NAPB: variants seen among roughly 807,000 people sequenced by gnomAD.
NAPB encodes the protein NSF attachment protein beta.
A neutral mutation model predicts 44.7 loss-of-function variants in NAPB; 26 were observed. That is an observed-to-expected ratio of 0.58 (90% CI 0.43 to 0.81). The LOEUF is 0.81. Among genes scored for constraint, NAPB ranks in the 30% least tolerant of loss-of-function variants. The pLI is 0.00. For synonymous variants in NAPB, 120 were observed against 116.8 expected (o/e 1.03, Z -0.18); for missense variants, 315 against 356.4 (o/e 0.88, Z 0.94).
rs760609836 is a variant in NAPB, at chr20:23,379,900, T to C, written c.702A>G (p.Ala234=). 6.2e-7 allele frequency: 1 copy of C among 1,613,318 alleles called. No individual in the cohort carries two copies. Among genetic ancestry groups the C allele is most frequent in the African/African-American group, 1.3e-5 (1 of 75,046 alleles). The stretch of plus-strand genomic sequence containing the variant: ...ATTTACATTCTCTTGAATCAGTAAA[T>C]GCTGGAAACATTTCCTCATATTTCT... ...ALEKYEEMFP[A]FTDSRECKLL... Residue 234 remains alanine, a synonymous_variant, in exon 9 of 11, where the codon GCA becomes GCG. Transcript: ENST00000377026.
chr20:23,399,333 C>T (rs542665303), intron 2 of NAPB, among the ~76,000 whole-genome samples: 1 of 151,988 alleles, frequency 6.6e-6, no homozygotes, highest in Non-Finnish European at 1.5e-5. Flanking sequence ...CATGAGAGCA[C>T]CACCCTCATA....
intron 1 of NAPB, among the ~76,000 whole-genome samples, chr20:23,417,125 C>G (rs1170831686): frequency 2.0e-5 from 3 of 150,706 alleles, no homozygotes; most frequent in Non-Finnish European, 4.4e-5. Flanking sequence ...GCTCGGGGGC[C>G]CAGGCTGGAG....
chr20:23,401,100 A>G (rs1307497241), intron 2 of NAPB, among the ~76,000 whole-genome samples: 4 of 152,144 alleles, frequency 2.6e-5, no homozygotes, highest in African/African-American at 9.7e-5. Flanking sequence ...GCAGGGACCC[A>G]GCAACATTCT....
intron 7 of NAPB, among the ~76,000 whole-genome samples, chr20:23,387,171 C>T (rs998041450): frequency 1.3e-5 from 2 of 152,038 alleles, no homozygotes; most frequent in African/African-American, 4.8e-5. Flanking sequence ...AAATGCCTGA[C>T]AAAATCCAAT....
chr20:23,387,904 G>C (rs1568606776), intron 7 of NAPB, among the ~76,000 whole-genome samples: 1 of 152,162 alleles, frequency 6.6e-6, no homozygotes, highest in Non-Finnish European at 1.5e-5. Flanking sequence ...GGGTGTTTCT[G>C]AATGAGATTA....
chr20:23,406,780 C>T (rs939307482), intron 1 of NAPB, among the ~76,000 whole-genome samples: 1 of 152,234 alleles, frequency 6.6e-6, no homozygotes, highest in African/African-American at 2.4e-5. Context: ...TACTGGGAAT[C>T]TTGAACTGTA....
At chr20:23,407,188 C>A (rs1985313667) in intron 1 of NAPB, among the ~76,000 whole-genome samples, 1 of 152,216 alleles carries the variant, frequency 6.6e-6, no homozygotes, top group Admixed American at 6.5e-5. Flanking sequence ...CTGACCATAA[C>A]TTTAAAACTT....
At chr20:23,395,056 T>C (rs1277604764) in intron 4 of NAPB, 57 bp from the exon 5 acceptor site, 2 of 1,612,460 alleles carry the variant, frequency 1.2e-6, no homozygotes, top group African/African-American at 1.3e-5. Flanking sequence ...GAATGCCAGT[T>C]TGGGAACATA....
chr20:23,421,104 G>C (rs771985955), intron 1 of NAPB, among the ~76,000 whole-genome samples: 2 of 151,640 alleles, frequency 1.3e-5, no homozygotes, highest in Non-Finnish European at 1.5e-5. Context: ...TGCGGACTGA[G>C]GGCCCCTGGG....
At chr20:23,410,975 G>C (rs1277607274) in intron 1 of NAPB, among the ~76,000 whole-genome samples, 1 of 152,106 alleles carries the variant, frequency 6.6e-6, no homozygotes, top group African/African-American at 2.4e-5. Flanking sequence ...TAAAATCTCT[G>C]TTATAGCATA....
At chr20:23,418,230 C>T (rs78891496) in intron 1 of NAPB, among the ~76,000 whole-genome samples, 3,117 of 152,234 alleles carry the variant, frequency 0.02, 113 homozygotes, top group African/African-American at 0.071. Context: ...TTTTGTATTA[C>T]ATTAATTCTG....
At chr20:23,404,945 A>C (rs1007297643) in intron 1 of NAPB, among the ~76,000 whole-genome samples, 2 of 152,216 alleles carry the variant, frequency 1.3e-5, no homozygotes, top group Non-Finnish European at 2.9e-5. Flanking sequence ...GGGTGCAGCC[A>C]CTTTGGAAAA....
In NAPB at chr20:23,391,169, G is replaced by A. The variant is rs185041887; in HGVS notation, c.421-905C>T. ...TACTAAAAAGATACAAAAATTAGCCGGGCGTGGTGTGGGCACCCGTAATCC... is the reference window on the plus strand; with the variant it reads ...TACTAAAAAGATACAAAAATTAGCCAGGCGTGGTGTGGGCACCCGTAATCC... On this transcript the variant is annotated intron_variant, in intron 5 of 10. Transcript: ENST00000377026. 4.2e-3 allele frequency among the ~76,000 whole-genome samples: 642 copies of A among 152,204 alleles called. 8 individuals are homozygous for A. Among genetic ancestry groups the A allele is most frequent in the African/African-American group, 0.015 (609 of 41,524 alleles).
chr20:23,389,927 G>A lies in NAPB; in HGVS notation c.561+19C>T. ...ATTATTCAGACAACTTCTCTCCAAGGAAACAACAGTATCCTCACCTGCTCA... is the reference window on the plus strand; with the variant it reads ...ATTATTCAGACAACTTCTCTCCAAGAAAACAACAGTATCCTCACCTGCTCA... On this transcript the variant is annotated intron_variant, in intron 7 of 10. Transcript: ENST00000377026. 2 of 1,599,364 alleles carry A rather than the reference G, an allele frequency of 1.3e-6. No homozygotes were observed. Among genetic ancestry groups the A allele is most frequent in the Non-Finnish European group, 1.7e-6 (2 of 1,173,650 alleles).
Position 23,408,689 on chromosome 20 carries a change from A to C in NAPB, c.99-5617T>G, listed in dbSNP as rs911873396. ...GTACAAATCTTTTATGTGATGCAAA[A>C]GTAGAGATTTCTTCCGTGGAGGAGA... On this transcript the variant is annotated intron_variant, in intron 1 of 10. Coordinates refer to ENST00000377026, the MANE Select transcript of NAPB (RefSeq NM_022080.3). Among the ~76,000 whole-genome samples, 142 of 152,246 alleles carry C rather than the reference A, an allele frequency of 9.3e-4. 4 individuals are homozygous for C. Among genetic ancestry groups the C allele is most frequent in the Admixed American group, 9.3e-3 (142 of 15,280 alleles).
At chr20:23,393,947 G>T (rs1286589899) in intron 5 of NAPB, among the ~76,000 whole-genome samples, 1 of 152,180 alleles carries the variant, frequency 6.6e-6, no homozygotes, top group Non-Finnish European at 1.5e-5. Flanking sequence ...CATGTGTGCG[G>T]AACAGCAAGG....
chr20:23,397,121 A>G lies in NAPB; in HGVS notation c.246T>C (p.Ala82=). ...CATTTCCAGCATCCACAAAGCTGGT[A>G]GCAGAGTCATGTTTGCTCTGAAGCT... is the stretch of plus-strand genomic sequence containing the variant. ...HMQLQSKHDS[A]TSFVDAGNAY... is the part of the protein sequence containing the mutation. The change falls in exon 3 of 11, where the codon GCT becomes GCC. Residue 82 remains alanine (A), a synonymous_variant. Transcript: ENST00000377026. 1 of 1,613,862 alleles carries G rather than the reference A, an allele frequency of 6.2e-7. No individual in the cohort carries two copies. The highest frequency in any genetic ancestry group is 8.5e-7 in the Non-Finnish European group (1 of 1,179,780).
intron 1 of NAPB, among the ~76,000 whole-genome samples, chr20:23,419,521 CAG>C (rs2123280689): frequency 1.3e-5 from 2 of 152,362 alleles, no homozygotes; most frequent in East Asian, 3.9e-4. Context: ...CTGCCAGTTA[CAG>C]ACTCTCCCAC....
chr20:23,393,133 A>G (rs6048778), intron 5 of NAPB, among the ~76,000 whole-genome samples: 96,218 of 151,844 alleles, frequency 0.63, 30,833 homozygotes, highest in African/African-American at 0.72. Context: ...TCTCCCTCCC[A>G]TTCCATCATC....
Sources: gnomAD v4.1 joint callset for allele counts (sites outside exome capture counted in the v4.1 genomes callset) on GRCh38, gnomAD v4.1.1 for gene constraint, MANE v1.5 for transcripts, NCBI Gene and HGNC (gene_info 2026-07-23, HGNC 2026-07-21) for gene names.